Variants in CLPX observed in about 807,000 individuals in gnomAD.
CLPX encodes the protein caseinolytic mitochondrial matrix peptidase chaperone subunit X.
Under a neutral mutation model 76.4 loss-of-function variants are expected in CLPX, and 34 were observed. That is an observed-to-expected ratio of 0.45 (90% CI 0.34 to 0.59). CLPX has a LOEUF of 0.59. Ranked by LOEUF, CLPX falls within the 20% of genes least tolerant of loss-of-function variation. The pLI is 0.01. For missense variants in CLPX, 613 were observed against 757.0 expected, an observed-to-expected ratio of 0.81 and a Z score of 2.23; for synonymous variants, 248 against 270.9, an observed-to-expected ratio of 0.92 and a Z score of 0.83.
At chr15:65,155,616 A>C in intron 10 of CLPX, 76 bp downstream of exon 10, 3 of 1,207,386 alleles carry the variant, frequency 2.5e-6, no homozygotes, top group Non-Finnish European at 3.6e-6. Flanking sequence ...GGTAGCCCGC[A>C]GATATGAGAA....
intron 4 of CLPX, among the ~76,000 whole-genome samples, chr15:65,165,926 T>C (rs1480005905): frequency 6.6e-6 from 1 of 152,172 alleles, no homozygotes. Context: ...AGAAGAAAGA[T>C]ACACTGAGGC....
chr15:65,158,042 AT>A, intron 7 of CLPX, 132 bp from the exon 8 acceptor site: 222 of 715,928 alleles, frequency 3.1e-4, no homozygotes, highest in Middle Eastern at 4.0e-4. Flanking sequence ...CTCTGCTATT[AT>A]TTTTTTTAGA....
At chr15:65,182,890 C>A (rs1427746337) in intron 1 of CLPX, among the ~76,000 whole-genome samples, 3 of 152,172 alleles carry the variant, frequency 2.0e-5, no homozygotes, top group African/African-American at 7.2e-5. Flanking sequence ...AGTCCGGGTG[C>A]GGTGGCTCAA....
chr15:65,163,035 T>C (rs2087871528), intron 5 of CLPX, among the ~76,000 whole-genome samples: 2 of 152,148 alleles, frequency 1.3e-5, no homozygotes, highest in South Asian at 4.1e-4. Flanking sequence ...ATTTGGACCT[T>C]ATAAAAATGA....
Position 65,155,025 on chromosome 15 carries a change from A to C in CLPX, c.1368T>G (p.Ala456=). 6.2e-7 allele frequency: 1 copy of C among 1,614,156 alleles called. No individual in the cohort carries two copies. The highest frequency in any genetic ancestry group is 8.5e-7 in the Non-Finnish European group (1 of 1,180,024). Residue 456 remains alanine (A), a synonymous_variant, in exon 11 of 14, where the codon GCT becomes GCG. Transcript: ENST00000300107. ...NLGKGRRAAA[A]ADLANRSGES... ...CCCCACTTCGATTAGCAAGGTCTGC[A>C]GCAGCTGCAGCCCTTCTGCCTTTTC...
At chr15:65,175,598 C>T (rs573778231) in intron 3 of CLPX, among the ~76,000 whole-genome samples, 139 of 152,216 alleles carry the variant, frequency 9.1e-4, no homozygotes, top group Non-Finnish European at 1.7e-3. Context: ...AATGTTTTCA[C>T]GTTTTGGAAT....
intron 5 of CLPX, among the ~76,000 whole-genome samples, chr15:65,163,280 C>A (rs1394062323): frequency 2.0e-5 from 3 of 152,018 alleles, no homozygotes; most frequent in Non-Finnish European, 4.4e-5. Flanking sequence ...ATAACTGATA[C>A]CATCACATAC....
intron 4 of CLPX, among the ~76,000 whole-genome samples, chr15:65,165,585 C>A (rs1383702447): frequency 2.6e-5 from 4 of 151,648 alleles, no homozygotes; most frequent in Non-Finnish European, 4.4e-5. Context: ...CGGGGTTTCA[C>A]CATGTTAGCC....
At chr15:65,172,352 A>T (rs2088021479) in intron 3 of CLPX, among the ~76,000 whole-genome samples, 1 of 152,186 alleles carries the variant, frequency 6.6e-6, no homozygotes, top group Non-Finnish European at 1.5e-5. Context: ...AGCTACTACA[A>T]GTATCCTATA....
chr15:65,150,935 G>T, intron 13 of CLPX, 22 bp from the exon 14 acceptor site: 1 of 1,535,738 alleles, frequency 6.5e-7, no homozygotes, highest in East Asian at 2.3e-5. Context: ...AGCCATGTTT[G>T]TTTTTTTAAA....
chr15:65,185,219 G>T lies in CLPX; in HGVS notation c.-66C>A. On this transcript the variant is annotated 5_prime_UTR_variant, in exon 1 of 14. Coordinates refer to ENST00000300107, the MANE Select transcript of CLPX (RefSeq NM_006660.5). ...TCCGGGTCACAGCGGCGTGAATCCT[G>T]CCCGCAAGGCGCGCTGACTCGGTTC... The T allele has an allele frequency of 3.0e-6, 4 of 1,351,494 alleles. No homozygotes were observed. Among genetic ancestry groups the T allele is most frequent in the East Asian group, 2.5e-5 (1 of 39,954 alleles). 83.7% of individuals were successfully genotyped at this position (1,351,494 alleles called of 1,614,324 possible).
intron 3 of CLPX, among the ~76,000 whole-genome samples, chr15:65,172,080 C>T (rs1376686691): frequency 1.3e-5 from 2 of 152,178 alleles, no homozygotes; most frequent in African/African-American, 4.8e-5. Context: ...ACCGCAACCT[C>T]CGCCTCCCGA....
chr15:65,175,492 G>C (rs747112885), intron 3 of CLPX, among the ~76,000 whole-genome samples: 3 of 152,086 alleles, frequency 2.0e-5, no homozygotes, highest in Non-Finnish European at 2.9e-5. Flanking sequence ...GTGAAACTCT[G>C]CCTCAGAAAA....
chr15:65,169,439 C>A (rs145742507), intron 3 of CLPX, among the ~76,000 whole-genome samples: 1 of 151,478 alleles, frequency 6.6e-6, no homozygotes, highest in Non-Finnish European at 1.5e-5. Flanking sequence ...AGGATGTTGG[C>A]GGGGCACAGT....
At chr15:65,155,169 G>T (rs372984639) in intron 10 of CLPX, 88 bp from the exon 11 acceptor site, 10 of 1,112,782 alleles carry the variant, frequency 9.0e-6, no homozygotes, top group Middle Eastern at 2.0e-4. Flanking sequence ...TATGATCTTT[G>T]TAACAACTCT....
chr15:65,173,208 A>G (rs1301878241), intron 3 of CLPX, among the ~76,000 whole-genome samples: 1 of 152,002 alleles, frequency 6.6e-6, no homozygotes, highest in Non-Finnish European at 1.5e-5. Context: ...TGTCTCTACT[A>G]AAAATACAAA....
intron 3 of CLPX, among the ~76,000 whole-genome samples, chr15:65,172,734 T>C (rs1204050787): frequency 6.6e-6 from 1 of 152,172 alleles, no homozygotes; most frequent in Non-Finnish European, 1.5e-5. Flanking sequence ...TCATTAGTCA[T>C]TAGGGAAATG....
intron 3 of CLPX, among the ~76,000 whole-genome samples, chr15:65,178,700 C>CTT (rs35901458): frequency 6.0e-5 from 8 of 134,274 alleles, no homozygotes; most frequent in African/African-American, 2.2e-4. Flanking sequence ...CCATACCTGG[C>CTT]TTTTTTTTTT....
intron 2 of CLPX, among the ~76,000 whole-genome samples, chr15:65,179,605 A>G (rs1487363561): frequency 6.6e-6 from 1 of 152,260 alleles, no homozygotes; most frequent in African/African-American, 2.4e-5. Context: ...CATAAGTTAT[A>G]CTAGCTACAA....
Sources: allele counts gnomAD v4.1 joint callset (sites outside exome capture counted in the v4.1 genomes callset), GRCh38; gene constraint gnomAD v4.1.1; transcripts MANE v1.5; gene names NCBI Gene and HGNC (gene_info 2026-07-23, HGNC 2026-07-21).